The following CSMD1 variants were observed in gnomAD, a reference collection of about 807,000 sequenced individuals.
CSMD1 encodes the protein CUB and Sushi multiple domains 1, also known as CUB and sushi domain-containing protein 1.
A neutral mutation model predicts 417.5 loss-of-function variants in CSMD1; 213 were observed. That is an observed-to-expected ratio of 0.51 (90% CI 0.46 to 0.57). CSMD1 has a LOEUF of 0.57. CSMD1 is among the 20% of genes least tolerant of loss of function. CSMD1 has a pLI of 0.00. For synonymous variants in CSMD1, 2,862 were observed against 1,736.8 expected, an observed-to-expected ratio of 1.65 and a Z score of -16.11; for missense variants, 6,923 against 4,529.7, an observed-to-expected ratio of 1.53 and a Z score of -15.17.
At chr8:3,189,535 C>A (rs1796288561) in intron 34 of CSMD1, among the ~76,000 whole-genome samples, 1 of 152,136 alleles carries the variant, frequency 6.6e-6, no homozygotes, top group Admixed American at 6.6e-5. Flanking sequence ...CCTGCATTTA[C>A]CTATTAATTT....
intron 1 of CSMD1, among the ~76,000 whole-genome samples, chr8:4,785,575 AG>A (rs773001742): frequency 2.6e-5 from 4 of 152,162 alleles, no homozygotes; most frequent in South Asian, 2.1e-4. Flanking sequence ...CATAGTCCTG[AG>A]CCACTTGGAA....
chr8:3,023,900 T>C lies in CSMD1; in HGVS notation c.7856-5250A>G, dbSNP rs565350947. Among the ~76,000 whole-genome samples the C allele has an allele frequency of 2.0e-5, 3 of 148,494 alleles. No homozygotes were observed. The East Asian group carries it at 5.9e-4, about 29-fold the overall frequency. ...AATGACTGCTCCTTACCTGCACCAA[T>C]GACTCGGGTGATGCTACCCTTGAAG... On this transcript the variant is annotated intron_variant, in intron 51 of 69. Transcript: ENST00000635120.
At chr8:3,940,881 C>G (rs113871343) in intron 5 of CSMD1, among the ~76,000 whole-genome samples, 5,899 of 56,754 alleles carry the variant, frequency 0.1, 180 homozygotes, top group Middle Eastern at 0.22. Context: ...CTTATGCCAT[C>G]TCCCTTCTCC....
intron 26 of CSMD1, among the ~76,000 whole-genome samples, chr8:3,273,461 A>G (rs1312708403): frequency 2.0e-5 from 3 of 149,044 alleles, no homozygotes; most frequent in Non-Finnish European, 4.5e-5. Context: ...TGAGTTAGGG[A>G]GGATTCCCTC....
At chr8:4,819,938 G>T (rs377233549) in intron 1 of CSMD1, among the ~76,000 whole-genome samples, 2 of 152,152 alleles carry the variant, frequency 1.3e-5, no homozygotes, top group African/African-American at 2.4e-5. Flanking sequence ...AGTAATTTTT[G>T]AAATATCTAC....
At chr8:4,016,237 C>A (rs888176430) in intron 4 of CSMD1, among the ~76,000 whole-genome samples, 23 of 152,092 alleles carry the variant, frequency 1.5e-4, no homozygotes, top group Non-Finnish European at 8.8e-5. Context: ...TCTCTCCATT[C>A]CCTTTGCTTT....
chr8:4,656,116 C>A (rs149661321), intron 1 of CSMD1, among the ~76,000 whole-genome samples: 1 of 151,926 alleles, frequency 6.6e-6, no homozygotes, highest in South Asian at 2.1e-4. Flanking sequence ...CAAAGTGTAT[C>A]GTGTGTGTCA....
At chr8:3,696,312 C>T (rs139680117) in intron 7 of CSMD1, among the ~76,000 whole-genome samples, 152 of 152,294 alleles carry the variant, frequency 1.0e-3, no homozygotes, top group Admixed American at 2.8e-3. Context: ...TGGTGCCTTC[C>T]ATCTCCGAAG....
chr8:3,705,407 A>T (rs558827032), intron 7 of CSMD1, among the ~76,000 whole-genome samples: 1 of 152,196 alleles, frequency 6.6e-6, no homozygotes, highest in African/African-American at 2.4e-5. Flanking sequence ...AGCAGTGTCC[A>T]CCCCTGTCTG....
intron 3 of CSMD1, among the ~76,000 whole-genome samples, chr8:4,124,112 T>A (rs1418109299): frequency 6.6e-6 from 1 of 152,008 alleles, no homozygotes; most frequent in Non-Finnish European, 1.5e-5. Context: ...AAAGAAAAAC[T>A]ATTTTCTGCA....
intron 5 of CSMD1, among the ~76,000 whole-genome samples, chr8:3,967,009 T>A (rs185824471): frequency 5.9e-5 from 9 of 152,256 alleles, no homozygotes; most frequent in African/African-American, 2.2e-4. Context: ...GAGTGTCAAT[T>A]GGTGAAATAA....
chr8:4,831,247 A>G (rs1800132911), intron 1 of CSMD1, among the ~76,000 whole-genome samples: 1 of 152,208 alleles, frequency 6.6e-6, no homozygotes, highest in Non-Finnish European at 1.5e-5. Flanking sequence ...GAATTACAAG[A>G]GCATATTGTA....
intron 2 of CSMD1, among the ~76,000 whole-genome samples, chr8:4,600,451 A>T (rs149817352): frequency 2.0e-5 from 3 of 152,340 alleles, no homozygotes; most frequent in Non-Finnish European, 4.4e-5. Context: ...TCAAGTGATC[A>T]TCAATGCCTT....
chr8:3,551,042 G>A (rs1394559655), intron 10 of CSMD1, among the ~76,000 whole-genome samples: 4 of 152,116 alleles, frequency 2.6e-5, no homozygotes, highest in South Asian at 2.1e-4. Context: ...AAATCTAAAT[G>A]TAATTGCCAC....
At chr8:3,702,137 G>C (rs2624092) in intron 7 of CSMD1, 145,643 of 152,164 alleles carry the variant, frequency 0.96, 69,774 homozygotes, top group East Asian at 1. Context: ...ATGCATTAGA[G>C]TGCTCAGTTT....
intron 65 of CSMD1, among the ~76,000 whole-genome samples, chr8:2,951,898 A>G (rs1441809976): frequency 1.3e-5 from 2 of 152,136 alleles, no homozygotes; most frequent in African/African-American, 4.8e-5. Context: ...GTAAGAAGAG[A>G]TGGGCTCAAT....
intron 1 of CSMD1, among the ~76,000 whole-genome samples, chr8:4,669,630 T>C (rs1333918512): frequency 1.3e-5 from 2 of 152,196 alleles, no homozygotes; most frequent in East Asian, 3.9e-4. Flanking sequence ...GAAACTTTTT[T>C]TAACCTTCCA....
At chr8:3,753,008 G>C (rs1020013843) in intron 6 of CSMD1, among the ~76,000 whole-genome samples, 10 of 152,152 alleles carry the variant, frequency 6.6e-5, no homozygotes, top group African/African-American at 2.4e-4. Context: ...TGACTTTCAT[G>C]GGAGGTATTT....
At chr8:3,047,686 G>A (rs1387112504) in intron 50 of CSMD1, among the ~76,000 whole-genome samples, 2 of 152,152 alleles carry the variant, frequency 1.3e-5, no homozygotes, top group East Asian at 1.9e-4. Flanking sequence ...CCTACATTGT[G>A]TTTCTTTTCC....
Sources: gnomAD v4.1 joint callset for allele counts (sites outside exome capture counted in the v4.1 genomes callset) on GRCh38, gnomAD v4.1.1 for gene constraint, MANE v1.5 for transcripts, NCBI Gene and HGNC (gene_info 2026-07-23, HGNC 2026-07-21) for gene names.